Variants in PPP1R12C observed in about 807,000 individuals in gnomAD.
The protein encoded by PPP1R12C is protein phosphatase 1 regulatory subunit 12C.
PPP1R12C carries 48 observed loss-of-function variants against 95.6 expected under a neutral mutation model. The ratio of observed to expected loss-of-function variants is 0.50; its 90% CI spans 0.40 to 0.64. PPP1R12C has a LOEUF of 0.64. Ranked by LOEUF, PPP1R12C falls within the 30% of genes least tolerant of loss-of-function variation. The pLI is 0.00. For missense variants in PPP1R12C, 1,057 were observed against 1,083.3 expected, an observed-to-expected ratio of 0.98 and a Z score of 0.34; for synonymous variants, 480 against 460.8, an observed-to-expected ratio of 1.04 and a Z score of -0.53.
In PPP1R12C at chr19:55,112,739, A is replaced by G. The variant is rs750518510; in HGVS notation, c.378T>C (p.Thr126=). ...AGCCCTCGTTGTCTGCCTGGTTCAC[A>G]GTGGCGCCCTGCTCCACCAAGAAGC... is the stretch of plus-strand genomic sequence containing the variant. ...VVRFLVEQGA[T]VNQADNEGWT... is the part of the protein sequence containing the mutation. The change falls in exon 2 of 22, where the codon ACT becomes ACC. Residue 126 remains threonine (T), a synonymous_variant. Coordinates refer to ENST00000263433, the MANE Select transcript of PPP1R12C (RefSeq NM_017607.4). The G allele has an allele frequency of 3.7e-6, 6 of 1,613,584 alleles. 1 individual carries two copies. Among genetic ancestry groups the G allele is most frequent in the East Asian group, 2.2e-5 (1 of 44,860 alleles).
Position 55,115,758 on chromosome 19 carries a change from T to C in PPP1R12C, c.321+1465A>G, listed in dbSNP as rs946359931. Among the ~76,000 whole-genome samples, 16 of 152,242 alleles carry C rather than the reference T, an allele frequency of 1.1e-4. 1 individual carries two copies. The South Asian group carries it at 2.9e-3, about 28-fold the overall frequency. The stretch of plus-strand genomic sequence containing the variant: ...TGGGGCTTTTCTGTCACCAATCCTG[T>C]CCCTAGTGGCCCCACTGTGGGGTGG... On this transcript the variant is annotated intron_variant, in intron 1 of 21. Transcript: ENST00000263433.
chr19:55,091,990 C>T (rs1195076920), intron 19 of PPP1R12C, 81 bp from the exon 20 acceptor site: 12 of 1,536,304 alleles, frequency 7.8e-6, no homozygotes, highest in East Asian at 2.3e-5. Context: ...TGCTGGGCAC[C>T]CGCCCGCCCA....
chr19:55,112,815 G>C lies in PPP1R12C; in HGVS notation c.322-20C>G. On this transcript the variant is annotated intron_variant, in intron 1 of 21. Coordinates refer to ENST00000263433, the MANE Select transcript of PPP1R12C (RefSeq NM_017607.4). Reference sequence around the variant, plus strand: ...GCAGGCCTGGGGGTGGGAAACAGCCGTCAGCCGCACCTACCCCAGCCACGG... The same window carrying C: ...GCAGGCCTGGGGGTGGGAAACAGCCCTCAGCCGCACCTACCCCAGCCACGG... The C allele has an allele frequency of 3.1e-6, 5 of 1,610,180 alleles. No individual in the cohort carries two copies. The highest frequency in any genetic ancestry group is 4.2e-6 in the Non-Finnish European group (5 of 1,179,712).
At chr19:55,112,627 AC>A (rs1389492785) in intron 2 of PPP1R12C, 37 bp downstream of exon 2, 3 of 1,609,406 alleles carry the variant, frequency 1.9e-6, no homozygotes, top group Admixed American at 3.3e-5. Context: ...CCAGGCCCCC[AC>A]CCCGACCAGG....
At chr19:55,101,486 T>C (rs183573603) in intron 4 of PPP1R12C, among the ~76,000 whole-genome samples, 161 of 152,282 alleles carry the variant, frequency 1.1e-3, no homozygotes, top group Admixed American at 1.9e-3. Context: ...GGAGCGGTCA[T>C]GTGACTAGCG....
intron 16 of PPP1R12C, 58 bp downstream of exon 16, chr19:55,092,725 C>CT: frequency 6.5e-7 from 1 of 1,531,484 alleles, no homozygotes. Flanking sequence ...ATGGGAAGGG[C>CT]TTTGCCCGCC....
At chr19:55,095,422 G>A in intron 10 of PPP1R12C, 23 bp downstream of exon 10, 3 of 1,561,388 alleles carry the variant, frequency 1.9e-6, no homozygotes, top group Non-Finnish European at 2.6e-6. Context: ...CCTGGGCCTG[G>A]ACCCGGCCCA....
Position 55,117,602 on chromosome 19 carries a change from C to A in PPP1R12C, c.-59G>T, listed in dbSNP as rs1468315974. ...GCCGAGCCCCAACCGCCGCCACCAC[C>A]CGCCCGCCCGCCCGCCCCGGGGGCC... is the stretch of plus-strand genomic sequence containing the variant. On this transcript the variant is annotated 5_prime_UTR_variant, in exon 1 of 22. Coordinates refer to ENST00000263433, the MANE Select transcript of PPP1R12C (RefSeq NM_017607.4). 2 of 914,084 alleles carry A rather than the reference C, an allele frequency of 2.2e-6. No individual in the cohort carries two copies. The highest frequency in any genetic ancestry group is 3.8e-5 in the African/African-American group (2 of 52,412). 56.6% of individuals were successfully genotyped at this position (914,084 alleles called of 1,614,324 possible). A position where few individuals can be genotyped will look rare whatever the true frequency, so the allele number is the denominator to read the frequency against.
At chr19:55,092,158 A>G in intron 19 of PPP1R12C, 64 bp downstream of exon 19, 2 of 1,414,504 alleles carry the variant, frequency 1.4e-6, no homozygotes, top group Admixed American at 2.1e-5. Flanking sequence ...TCTACCTCCC[A>G]GCAGTCTAAG....
In PPP1R12C at chr19:55,103,466, C is replaced by CG; in HGVS notation, c.673dup (p.Arg225ProfsTer17). On this transcript the variant is annotated frameshift_variant, in exon 4 of 22. Coordinates refer to ENST00000263433, the MANE Select transcript of PPP1R12C (RefSeq NM_017607.4). LOFTEE classifies it high-confidence loss of function. ...CACGTGCAGGGCAGAGGCGCCTGTG[C>CG]GGGGGTGCCGGGCCTCTGGCATGGC... is the stretch of plus-strand genomic sequence containing the variant. 1 of 1,597,280 alleles carries CG rather than the reference C, an allele frequency of 6.3e-7. No homozygotes were observed. Among genetic ancestry groups the CG allele is most frequent in the East Asian group, 2.3e-5 (1 of 44,036 alleles).
chr19:55,102,996 G>A (rs959798549), intron 4 of PPP1R12C, among the ~76,000 whole-genome samples: 3 of 152,052 alleles, frequency 2.0e-5, no homozygotes, highest in African/African-American at 7.2e-5. Flanking sequence ...GAGCCCAGGA[G>A]TTCGAGACAA....
intron 3 of PPP1R12C, among the ~76,000 whole-genome samples, chr19:55,104,199 T>TATATATATATATACACACAC (rs34075382): frequency 8.3e-5 from 10 of 120,040 alleles, no homozygotes; most frequent in African/African-American, 2.9e-4. Context: ...TATATATATA[T>TATATATATATATACACACAC]ACACACACAC....
At chr19:55,107,594 G>T (rs867723126) in intron 3 of PPP1R12C, among the ~76,000 whole-genome samples, 2 of 151,016 alleles carry the variant, frequency 1.3e-5, no homozygotes, top group South Asian at 4.2e-4. Flanking sequence ...GCAAACTATC[G>T]CAAGGACAGA....
At chr19:55,113,642 G>A (rs1369885805) in intron 1 of PPP1R12C, 10 of 1,240,224 alleles carry the variant, frequency 8.1e-6, no homozygotes, top group Non-Finnish European at 1.0e-5. Context: ...TAGATCCACG[G>A]GATAAATTAC....
At chr19:55,096,210 A>T (rs563489293) in intron 7 of PPP1R12C, 32 bp from the exon 8 acceptor site, 1 of 1,613,008 alleles carries the variant, frequency 6.2e-7, no homozygotes, top group Admixed American at 1.7e-5. Flanking sequence ...CTGGGGTACA[A>T]GCCCGGGGCC....
At chr19:55,094,504 C>A in intron 12 of PPP1R12C, 69 bp from the exon 13 acceptor site, 2 of 1,601,984 alleles carry the variant, frequency 1.2e-6, no homozygotes, top group Non-Finnish European at 1.7e-6. Flanking sequence ...CTGACACCCT[C>A]CGCGGGAAGC....
chr19:55,094,750 G>A lies in PPP1R12C; in HGVS notation c.1503C>T (p.Pro501=). The A allele has an allele frequency of 1.9e-6, 3 of 1,608,046 alleles. No homozygotes were observed. Among genetic ancestry groups the A allele is most frequent in the South Asian group, 2.2e-5 (2 of 89,520 alleles). Residue 501 remains proline, a synonymous_variant, in exon 12 of 22, where the codon CCC becomes CCT. Coordinates refer to ENST00000263433, the MANE Select transcript of PPP1R12C (RefSeq NM_017607.4). ...PPPCLENSSP[P]SRIPEPESPA... ...GGGATTCAGGCTCCGGAATCCTGGA[G>A]GGAGGCGAGGAGTTCTCCAAGCAAG...
chr19:55,091,825 G>T, intron 20 of PPP1R12C, 34 bp downstream of exon 20: 2 of 1,612,760 alleles, frequency 1.2e-6, no homozygotes, highest in Non-Finnish European at 1.7e-6. Flanking sequence ...GGCTGGGGAC[G>T]CCTCTGGCCC....
Position 55,096,227 on chromosome 19 carries a change from C to T in PPP1R12C, c.1025+35G>A, listed in dbSNP as rs760051614. On this transcript the variant is annotated intron_variant, in intron 7 of 21. Transcript: ENST00000263433. ...GGGGTACAAGCCCGGGGCCTCCAGCCACCCCGCCAGCCCTGGACTCCTCCC... is the reference window on the plus strand; with the variant it reads ...GGGGTACAAGCCCGGGGCCTCCAGCTACCCCGCCAGCCCTGGACTCCTCCC... 10 of 1,613,334 alleles carry T rather than the reference C, an allele frequency of 6.2e-6. No homozygotes were observed. The Admixed American group carries it at 1.0e-4, about 16-fold the overall frequency.
Sources: gnomAD v4.1 joint callset for allele counts (sites outside exome capture counted in the v4.1 genomes callset) on GRCh38, gnomAD v4.1.1 for gene constraint, MANE v1.5 for transcripts, NCBI Gene and HGNC (gene_info 2026-07-23, HGNC 2026-07-21) for gene names.